The following HIF1A variants were observed in gnomAD, a reference collection of about 807,000 sequenced individuals.
HIF1A encodes the protein hypoxia-inducible factor 1-alpha.
In HIF1A, 24 loss-of-function variants were observed where a neutral mutation model predicts 92.7. The observed-to-expected ratio is 0.26, with a 90% CI of 0.19 to 0.36. The LOEUF (loss-of-function observed/expected upper bound fraction) is 0.36. Ranked by LOEUF, HIF1A falls within the 10% of genes least tolerant of loss-of-function variation. HIF1A has a pLI of 1.00. For synonymous variants in HIF1A, 319 were observed against 338.7 expected (o/e 0.94, Z 0.64); for missense variants, 799 against 998.5 (o/e 0.80, Z 2.69).
chr14:61,732,473 G>A lies in HIF1A; in HGVS notation c.829G>A (p.Glu277Lys), dbSNP rs2044588340. ...AGAACTTTTAGGCCGCTCAATTTAT[G>A]AATATTATCATGCTTTGGACTCTGA... ...PEELLGRSIY[E>K]YYHALDSDHL... The change falls in exon 7 of 15, where the codon GAA (glutamate) becomes AAA (lysine). Residue 277 changes from glutamate to lysine, a missense_variant. Coordinates refer to ENST00000337138, the MANE Select transcript of HIF1A (RefSeq NM_001530.4). 1.2e-6 allele frequency: 2 copies of A among 1,611,614 alleles called. No individual in the cohort carries two copies. The highest frequency in any genetic ancestry group is 1.1e-5 in the South Asian group (1 of 91,024).
intron 1 of HIF1A, among the ~76,000 whole-genome samples, chr14:61,717,673 T>C (rs1192193846): frequency 6.6e-6 from 1 of 152,212 alleles, no homozygotes; most frequent in African/African-American, 2.4e-5. Context: ...TTTGAAGTTC[T>C]GGACGATACG....
chr14:61,695,550 T>C lies in HIF1A; in HGVS notation c.-255T>C. 2 of 572,762 alleles carry C rather than the reference T, an allele frequency of 3.5e-6. No individual in the cohort carries two copies. Among genetic ancestry groups the C allele is most frequent in the Non-Finnish European group, 6.2e-6 (2 of 323,340 alleles). The allele number at this position is 572,762 out of a possible 1,614,324, so 35.5% of individuals were successfully genotyped here. ...TGCCTCGTCTGAGGGGACAGGAGGATCACCCTCTTCGTCGCTTCGGCCAGT... is the reference window on the plus strand; with the variant it reads ...TGCCTCGTCTGAGGGGACAGGAGGACCACCCTCTTCGTCGCTTCGGCCAGT... On this transcript the variant is annotated 5_prime_UTR_variant, in exon 1 of 15. Transcript: ENST00000337138.
intron 1 of HIF1A, among the ~76,000 whole-genome samples, chr14:61,696,954 G>T (rs887395403): frequency 2.6e-5 from 4 of 152,154 alleles, no homozygotes; most frequent in Non-Finnish European, 5.9e-5. Context: ...GGTGTTAAGA[G>T]CGGACTCCCC....
Position 61,695,759 on chromosome 14 carries a change from G to C in HIF1A, c.-46G>C, listed in dbSNP as rs769514018. The C allele has an allele frequency of 3.3e-5, 51 of 1,565,610 alleles. No individual in the cohort carries two copies. Among genetic ancestry groups the C allele is most frequent in the Non-Finnish European group, 4.0e-5 (46 of 1,156,286 alleles). On this transcript the variant is annotated 5_prime_UTR_variant, in exon 1 of 15. Transcript: ENST00000337138. ...GGAGCCAGCGCTTAGGCCGGAGCGAGCCTGGGGGCCGCCCGCCGTGAAGAC... is the reference window on the plus strand; with the variant it reads ...GGAGCCAGCGCTTAGGCCGGAGCGACCCTGGGGGCCGCCCGCCGTGAAGAC...
chr14:61,744,102 C>T (rs2044746477), intron 12 of HIF1A, among the ~76,000 whole-genome samples: 1 of 152,080 alleles, frequency 6.6e-6, no homozygotes, highest in African/African-American at 2.4e-5. Flanking sequence ...CCAACAATAT[C>T]ACTGCATTGT....
intron 1 of HIF1A, among the ~76,000 whole-genome samples, chr14:61,714,782 C>T (rs530677457): frequency 6.6e-6 from 1 of 152,248 alleles, no homozygotes; most frequent in Admixed American, 6.5e-5. Flanking sequence ...GCCTGTAATC[C>T]GAACACTTTG....
chr14:61,695,626 C>G lies in HIF1A; in HGVS notation c.-179C>G, dbSNP rs1298355210. ...ACCTGAGGAGAGGCTCGGAGCCGGGCCCGGACCCCGGCGATTGCCGCCCGC... is the reference window on the plus strand; with the variant it reads ...ACCTGAGGAGAGGCTCGGAGCCGGGGCCGGACCCCGGCGATTGCCGCCCGC... On this transcript the variant is annotated 5_prime_UTR_variant, in exon 1 of 15. Transcript: ENST00000337138. 1.5e-6 allele frequency: 1 copy of G among 659,358 alleles called. No homozygotes were observed. The highest frequency in any genetic ancestry group is 2.9e-5 in the Admixed American group (1 of 34,494). The allele number at this position is 659,358 out of a possible 1,614,324, so 40.8% of individuals were successfully genotyped here.
rs201272861 is a variant in HIF1A at position 61,727,441 on chromosome 14, C to T, written c.571-12C>T. 6.0e-5 allele frequency: 95 copies of T among 1,592,140 alleles called. No individual in the cohort carries two copies. The Admixed American group carries it at 1.3e-3, about 22-fold the overall frequency. On this transcript the variant is annotated splice_polypyrimidine_tract_variant and intron_variant, in intron 5 of 14. Transcript: ENST00000337138. ...AAATATTTTTTTTAACTGCTTTGTT[C>T]TTCATACACAGGTATTGCACTGCAC... is the stretch of plus-strand genomic sequence containing the variant.
intron 1 of HIF1A, chr14:61,715,938 G>T (rs1004180128): frequency 2.6e-5 from 4 of 152,166 alleles, no homozygotes; most frequent in African/African-American, 9.7e-5. Flanking sequence ...TTTCGAGGCT[G>T]CAGTGAGCTT....
chr14:61,727,975 A>C (rs1456099848), intron 6 of HIF1A, among the ~76,000 whole-genome samples: 1 of 151,244 alleles, frequency 6.6e-6, no homozygotes, highest in Non-Finnish European at 1.5e-5. Context: ...CTGAGCTCAC[A>C]CCACCACACT....
chr14:61,699,844 A>G (rs1205624863), intron 1 of HIF1A, among the ~76,000 whole-genome samples: 3 of 152,168 alleles, frequency 2.0e-5, no homozygotes, highest in Non-Finnish European at 4.4e-5. Context: ...GTTGCTCAGT[A>G]TTTTTGGTAA....
intron 8 of HIF1A, 77 bp from the exon 9 acceptor site, chr14:61,736,812 G>A (rs180742264): frequency 2.6e-5 from 26 of 988,648 alleles, no homozygotes; most frequent in Non-Finnish European, 4.0e-5. Context: ...TTTTTTAAGA[G>A]ACCATTTCAC....
At chr14:61,726,490 C>G (rs1007862986) in intron 4 of HIF1A, 1 of 346,720 alleles carries the variant, frequency 2.9e-6, no homozygotes, top group Non-Finnish European at 5.3e-6. Context: ...TATGGATTAT[C>G]TTTCAGCCAA....
intron 1 of HIF1A, among the ~76,000 whole-genome samples, chr14:61,704,866 A>T (rs1399563247): frequency 2.0e-5 from 3 of 152,136 alleles, no homozygotes; most frequent in African/African-American, 7.2e-5. Context: ...TGAACATTCC[A>T]TTTTTTATGT....
intron 1 of HIF1A, chr14:61,697,591 T>C (rs1205285952): frequency 8.5e-6 from 6 of 706,820 alleles, no homozygotes; most frequent in Non-Finnish European, 9.0e-6. Flanking sequence ...TAGATTTTCC[T>C]CAGCCCATCT....
At chr14:61,720,890 T>C (rs925695174) in intron 2 of HIF1A, among the ~76,000 whole-genome samples, 2 of 152,338 alleles carry the variant, frequency 1.3e-5, no homozygotes, top group Admixed American at 6.5e-5. Context: ...AGGAATAAGA[T>C]ACTGGCTTTT....
chr14:61,701,290 ATTT>A (rs1223102746), intron 1 of HIF1A, among the ~76,000 whole-genome samples: 1 of 152,196 alleles, frequency 6.6e-6, no homozygotes, highest in Non-Finnish European at 1.5e-5. Flanking sequence ...GATTTTGAAA[ATTT>A]ATTATCTTGT....
At chr14:61,742,616 T>C (rs2044725707) in intron 12 of HIF1A, among the ~76,000 whole-genome samples, 1 of 152,144 alleles carries the variant, frequency 6.6e-6, no homozygotes, top group Non-Finnish European at 1.5e-5. Context: ...CAGGGCGCAG[T>C]GGCTCATCAC....
At position 61,697,899 on chromosome 14, in the gene HIF1A, G is replaced by A. The variant is rs1391324896; in HGVS notation, c.35+2060G>A. The A allele has an allele frequency of 6.6e-6, 10 of 1,522,916 alleles. No individual in the cohort carries two copies. The South Asian group carries it at 1.1e-4, about 17-fold the overall frequency. The allele number at this position is 1,522,916 out of a possible 1,614,324, so 94.3% of individuals were successfully genotyped here. On this transcript the variant is annotated intron_variant, in intron 1 of 14. Transcript: ENST00000337138. ...GGAAAACAAATTTGTCTTTTTAAAA[G>A]AAGGTCTAGGAAACTCAAAACCTGA...
Sources: gnomAD v4.1 joint callset for allele counts (sites outside exome capture counted in the v4.1 genomes callset) on GRCh38, gnomAD v4.1.1 for gene constraint, MANE v1.5 for transcripts, NCBI Gene and HGNC (gene_info 2026-07-23, HGNC 2026-07-21) for gene names.